Variants in NPFFR1 observed in about 807,000 individuals in gnomAD.
NPFFR1 encodes the protein neuropeptide FF receptor 1.
Under a neutral mutation model 12.7 loss-of-function variants are expected in NPFFR1, and 17 were observed. The observed-to-expected ratio is 1.34, with a 90% CI of 0.92 to 2.01. The LOEUF (loss-of-function observed/expected upper bound fraction) is 2.01. NPFFR1 is among the 30% of genes most tolerant of loss of function. The pLI is 0.00. For missense variants in NPFFR1, 604 were observed against 606.5 expected (o/e 1.00, Z 0.04); for synonymous variants, 296 against 264.5 (o/e 1.12, Z -1.16).
intron 3 of NPFFR1, among the ~76,000 whole-genome samples, chr10:70,257,421 G>A (rs1205296324): frequency 6.6e-6 from 1 of 152,210 alleles, no homozygotes; most frequent in Non-Finnish European, 1.5e-5. Flanking sequence ...GGCTGTGCAG[G>A]ACATGCCTTG....
At chr10:70,264,439 A>G (rs925880981) in intron 2 of NPFFR1, among the ~76,000 whole-genome samples, 1 of 151,860 alleles carries the variant, frequency 6.6e-6, no homozygotes, top group African/African-American at 2.4e-5. Context: ...ATTGCAGAAG[A>G]TTCTATTAGA....
rs187269056 is a variant in NPFFR1 at position 70,271,934 on chromosome 10, T to C, written c.8-5543A>G. 6.2e-3 allele frequency among the ~76,000 whole-genome samples: 934 copies of C among 151,850 alleles called. 7 individuals carry two copies. Among genetic ancestry groups the C allele is most frequent in the African/African-American group, 0.021 (871 of 41,372 alleles). On this transcript the variant is annotated intron_variant, in intron 1 of 3. Transcript: ENST00000277942. ...GAGTTCAAGACCAGCCTGATCAACA[T>C]GATGAAACCCCATCTCTACTAAAAA...
chr10:70,279,473 T>C (rs1243299349), intron 1 of NPFFR1, among the ~76,000 whole-genome samples: 1 of 151,968 alleles, frequency 6.6e-6, no homozygotes, highest in African/African-American at 2.4e-5. Context: ...TATTTATTTA[T>C]TTTTAAGATG....
chr10:70,258,340 C>G (rs1589909861), intron 3 of NPFFR1, among the ~76,000 whole-genome samples: 1 of 151,138 alleles, frequency 6.6e-6, no homozygotes, highest in Non-Finnish European at 1.5e-5. Flanking sequence ...GTCTACTGTG[C>G]AACCAGAGTT....
At chr10:70,264,715 C>T (rs1413756907) in intron 2 of NPFFR1, among the ~76,000 whole-genome samples, 1 of 152,140 alleles carries the variant, frequency 6.6e-6, no homozygotes, top group African/African-American at 2.4e-5. Context: ...GAAAGAGACA[C>T]AAGAAACTGG....
Position 70,254,753 on chromosome 10 carries a change from T to C in NPFFR1, c.*204A>G, listed in dbSNP as rs1263128011. ...TGTCAAGCCCACCACACAGGGCAAG[T>C]TGGTTCCTTCCCGTCCCCCGCATTT... On this transcript the variant is annotated 3_prime_UTR_variant, in exon 4 of 4. Coordinates refer to ENST00000277942, the MANE Select transcript of NPFFR1 (RefSeq NM_022146.5). 1 of 483,512 alleles carries C rather than the reference T, an allele frequency of 2.1e-6. No homozygotes were observed. The highest frequency in any genetic ancestry group is 3.5e-5 in the East Asian group (1 of 28,528). The allele number at this position is 483,512 out of a possible 1,614,324, so 30.0% of individuals were successfully genotyped here.
Position 70,266,197 on chromosome 10 carries a change from C to T in NPFFR1, c.202G>A (p.Val68Met), listed in dbSNP as rs188869837. ...GTATGCATGTGCCGGTTCTTGAGCA[C>T]GATGAAACAGACCAGGGTGTTGCCC... is the stretch of plus-strand genomic sequence containing the variant. Reference protein sequence around the residue: ...MVGNTLVCFIVLKNRHMHTVT... With the variant: ...MVGNTLVCFIMLKNRHMHTVT... Residue 68 changes from valine (V) to methionine (M), a missense_variant, in exon 2 of 4, where the codon GTG becomes ATG. Coordinates refer to ENST00000277942, the MANE Select transcript of NPFFR1 (RefSeq NM_022146.5). 1.2e-3 allele frequency: 1,901 copies of T among 1,613,966 alleles called. 1 individual carries two copies. Among genetic ancestry groups the T allele is most frequent in the Middle Eastern group, 2.0e-3 (12 of 6,062 alleles).
intron 2 of NPFFR1, among the ~76,000 whole-genome samples, chr10:70,264,622 T>C (rs972779493): frequency 6.6e-6 from 1 of 152,058 alleles, no homozygotes; most frequent in Non-Finnish European, 1.5e-5. Context: ...AAGTGGGGTG[T>C]GGTGGGAAGT....
At chr10:70,278,082 G>A in intron 1 of NPFFR1, 1 of 478,570 alleles carries the variant, frequency 2.1e-6, no homozygotes, top group South Asian at 1.5e-5. Flanking sequence ...GGAGACAGAT[G>A]CTGGGCCAGC....
chr10:70,257,613 C>T (rs1032987650), intron 3 of NPFFR1, among the ~76,000 whole-genome samples: 7 of 152,224 alleles, frequency 4.6e-5, no homozygotes, highest in African/African-American at 1.7e-4. Flanking sequence ...ATGAGAAAGA[C>T]CTGACCGTCC....
chr10:70,278,801 G>A (rs935739447), intron 1 of NPFFR1, among the ~76,000 whole-genome samples: 17 of 152,244 alleles, frequency 1.1e-4, no homozygotes, highest in African/African-American at 3.9e-4. Flanking sequence ...GTTTGTTTTG[G>A]AAATATTATT....
chr10:70,255,850 C>T lies in NPFFR1; in HGVS notation c.423-23G>A, dbSNP rs757880475. ...AACCTGCCGCGGGGAGAGAGACAGG[C>T]GGGATCTGGGTGGGTCCTAGGGCCC... On this transcript the variant is annotated intron_variant, in intron 3 of 3. Transcript: ENST00000277942. The surrounding 1 kb of genome is among the most constrained non-coding windows in gnomAD (Gnocchi z 4.2). 2 of 1,590,062 alleles carry T rather than the reference C, an allele frequency of 1.3e-6. No homozygotes were observed. The highest frequency in any genetic ancestry group is 1.8e-5 in the Admixed American group (1 of 56,786).
rs527897941 is a variant in NPFFR1, at chr10:70,272,534, C to T, written c.8-6143G>A. Among the ~76,000 whole-genome samples the T allele has an allele frequency of 2.5e-3, 384 of 152,362 alleles. 1 individual carries two copies. Among genetic ancestry groups the T allele is most frequent in the South Asian group, 6.8e-3 (33 of 4,832 alleles). On this transcript the variant is annotated intron_variant, in intron 1 of 3. Coordinates refer to ENST00000277942, the MANE Select transcript of NPFFR1 (RefSeq NM_022146.5). The stretch of plus-strand genomic sequence containing the variant: ...ACTGATGGCTGTTAACTACACGAAA[C>T]AAAAAGTTCAAGTTCATTTGTAATC...
intron 1 of NPFFR1, among the ~76,000 whole-genome samples, chr10:70,276,644 G>C (rs1399126541): frequency 1.4e-5 from 2 of 141,632 alleles, no homozygotes; most frequent in African/African-American, 2.6e-5. Flanking sequence ...CTGGAGTGCA[G>C]TGGCGCGATC....
intron 1 of NPFFR1, among the ~76,000 whole-genome samples, chr10:70,272,440 G>A (rs533660677): frequency 6.6e-6 from 1 of 152,320 alleles, no homozygotes; most frequent in Admixed American, 6.5e-5. Flanking sequence ...ACCCAGGCCT[G>A]GATGCAGAGA....
At position 70,253,448 on chromosome 10, in the gene NPFFR1, G is replaced by A. The variant is rs1035445184; in HGVS notation, c.*1509C>T. On this transcript the variant is annotated 3_prime_UTR_variant, in exon 4 of 4. Transcript: ENST00000277942. Reference sequence around the variant, plus strand: ...TGCCCCTCTGTGGCCCTGGAAACTTGGCCCCTTTGAGCTTCAGTCACTTTG... The same window carrying A: ...TGCCCCTCTGTGGCCCTGGAAACTTAGCCCCTTTGAGCTTCAGTCACTTTG... 1 of 152,106 alleles carries A rather than the reference G, an allele frequency of 6.6e-6. No individual in the cohort carries two copies. The highest frequency in any genetic ancestry group is 1.5e-5 in the Non-Finnish European group (1 of 68,022). 9.4% of individuals were successfully genotyped at this position (152,106 alleles called of 1,614,324 possible).
At chr10:70,278,270 T>C (rs713382) in intron 1 of NPFFR1, among the ~76,000 whole-genome samples, 501 of 151,884 alleles carry the variant, frequency 3.3e-3, no homozygotes, top group South Asian at 7.5e-3. Flanking sequence ...ACCTATCTCA[T>C]AGTCAGTGTG....
In NPFFR1 at chr10:70,252,300, C is replaced by T. The variant is rs1840518931; in HGVS notation, c.*2657G>A. 6.6e-6 allele frequency: 1 copy of T among 152,126 alleles called. No individual in the cohort carries two copies. Among genetic ancestry groups the T allele is most frequent in the African/African-American group, 2.4e-5 (1 of 41,404 alleles). The allele number at this position is 152,126 out of a possible 1,614,324, so 9.4% of individuals were successfully genotyped here. On this transcript the variant is annotated 3_prime_UTR_variant, in exon 4 of 4. Transcript: ENST00000277942. ...TCAAAAAGGATAGTATTGTATGATTCCTCTTGTATAGAAGTACCTAGAGTG... is the reference window on the plus strand; with the variant it reads ...TCAAAAAGGATAGTATTGTATGATTTCTCTTGTATAGAAGTACCTAGAGTG...
At chr10:70,261,658 C>A (rs1443012656) in intron 2 of NPFFR1, among the ~76,000 whole-genome samples, 1 of 152,164 alleles carries the variant, frequency 6.6e-6, no homozygotes, top group African/African-American at 2.4e-5. Flanking sequence ...CAGTGGTTCT[C>A]GACACTGGCT....
Sources: allele counts gnomAD v4.1 joint callset (sites outside exome capture counted in the v4.1 genomes callset), GRCh38; gene constraint gnomAD v4.1.1; non-coding constraint Gnocchi (gnomAD v3.1); transcripts MANE v1.5; gene names NCBI Gene and HGNC (gene_info 2026-07-23, HGNC 2026-07-21).